The following EPHB1 variants were observed in gnomAD, a reference collection of about 807,000 sequenced individuals.
EPHB1 encodes ephrin type-B receptor 1.
A neutral mutation model predicts 94.4 loss-of-function variants in EPHB1; 30 were observed. The observed-to-expected ratio is 0.32, with a 90% CI of 0.24 to 0.43. The LOEUF is 0.43. Among genes scored for constraint, EPHB1 ranks in the 20% least tolerant of loss-of-function variants. The probability of loss-of-function intolerance (pLI) is 1.00; values close to 1 mark genes in which losing one functional copy is unlikely to be tolerated. For synonymous variants in EPHB1, 522 were observed against 489.1 expected, an observed-to-expected ratio of 1.07 and a Z score of -0.89; for missense variants, 1,055 against 1,308.3, an observed-to-expected ratio of 0.81 and a Z score of 2.99.
At chr3:135,221,485 A>G (rs949859050) in intron 12 of EPHB1, among the ~76,000 whole-genome samples, 6 of 152,098 alleles carry the variant, frequency 3.9e-5, no homozygotes, top group African/African-American at 1.4e-4. Context: ...TCCTTGTTCT[A>G]TTTTTCAATG....
At chr3:134,850,942 T>C (rs2036969754) in intron 1 of EPHB1, among the ~76,000 whole-genome samples, 1 of 152,232 alleles carries the variant, frequency 6.6e-6, no homozygotes, top group African/African-American at 2.4e-5. Flanking sequence ...CAGATGCAGC[T>C]GGAAGGGAAA....
chr3:134,818,466 C>T (rs1291897809), intron 1 of EPHB1, among the ~76,000 whole-genome samples: 1 of 152,162 alleles, frequency 6.6e-6, no homozygotes, highest in South Asian at 2.1e-4. Context: ...GATTTTGGTG[C>T]ACCCATCACC....
chr3:135,186,854 G>A (rs1942343320), intron 10 of EPHB1, among the ~76,000 whole-genome samples: 1 of 152,198 alleles, frequency 6.6e-6, no homozygotes, highest in Non-Finnish European at 1.5e-5. Flanking sequence ...GGGATGAAAT[G>A]CATAGGAATT....
intron 12 of EPHB1, among the ~76,000 whole-genome samples, chr3:135,222,112 T>C (rs1012034544): frequency 7.3e-5 from 11 of 151,118 alleles, no homozygotes; most frequent in Admixed American, 7.2e-4. Flanking sequence ...GCTCCTAACA[T>C]ATTATTGTAG....
chr3:134,836,230 C>T (rs901427936), intron 1 of EPHB1, among the ~76,000 whole-genome samples: 1 of 152,196 alleles, frequency 6.6e-6, no homozygotes, highest in African/African-American at 2.4e-5. Flanking sequence ...ACTGATTTGA[C>T]AGCAACAGTC....
intron 1 of EPHB1, among the ~76,000 whole-genome samples, chr3:134,908,918 G>A (rs2038393094): frequency 6.6e-6 from 1 of 152,026 alleles, no homozygotes; most frequent in Middle Eastern, 3.2e-3. Flanking sequence ...AACAGATAGA[G>A]AGATGAAGTG....
At chr3:135,123,234 T>C (rs1009996115) in intron 4 of EPHB1, among the ~76,000 whole-genome samples, 1 of 152,240 alleles carries the variant, frequency 6.6e-6, no homozygotes, top group African/African-American at 2.4e-5. Context: ...TTTCTCATGA[T>C]TAAACTGTAG....
At chr3:135,024,941 A>G (rs542209137) in intron 3 of EPHB1, among the ~76,000 whole-genome samples, 17 of 152,030 alleles carry the variant, frequency 1.1e-4, no homozygotes, top group African/African-American at 3.9e-4. Flanking sequence ...ATCTATTACT[A>G]TATGTATTAT....
chr3:135,106,420 AT>A, intron 3 of EPHB1, 27 bp from the exon 4 acceptor site: 1 of 1,611,328 alleles, frequency 6.2e-7, no homozygotes, highest in South Asian at 1.1e-5. Context: ...ACTTCCATTA[AT>A]TATCACATGG....
chr3:134,991,280 C>T (rs894744946), intron 3 of EPHB1, among the ~76,000 whole-genome samples: 3 of 152,164 alleles, frequency 2.0e-5, no homozygotes, highest in African/African-American at 7.2e-5. Context: ...ATCTCCCTTT[C>T]TGTAACTGTG....
intron 3 of EPHB1, among the ~76,000 whole-genome samples, chr3:134,952,631 GC>G (rs778744591): frequency 1.7e-4 from 26 of 152,206 alleles, no homozygotes; most frequent in Non-Finnish European, 3.5e-4. Context: ...TCATTGCCAG[GC>G]CCTGGAAGGA....
intron 1 of EPHB1, among the ~76,000 whole-genome samples, chr3:134,888,706 C>CAAA (rs55786916): frequency 3.6e-5 from 4 of 109,686 alleles, no homozygotes; most frequent in Non-Finnish European, 5.5e-5. Context: ...GACTCCATCT[C>CAAA]AAAAAAAAAA....
At chr3:134,806,561 A>G (rs2036045758) in intron 1 of EPHB1, among the ~76,000 whole-genome samples, 10 of 152,218 alleles carry the variant, frequency 6.6e-5, no homozygotes. Context: ...AGCAAAATCA[A>G]TGTAGTAATT....
intron 13 of EPHB1, among the ~76,000 whole-genome samples, chr3:135,246,078 T>C (rs1943916649): frequency 6.6e-6 from 1 of 152,136 alleles, no homozygotes; most frequent in Non-Finnish European, 1.5e-5. Flanking sequence ...TGAGGAAAAT[T>C]AGTATCTGGG....
chr3:134,989,955 C>T (rs376906940), intron 3 of EPHB1, among the ~76,000 whole-genome samples: 17 of 152,238 alleles, frequency 1.1e-4, no homozygotes, highest in African/African-American at 3.6e-4. Flanking sequence ...CACCTTTCCC[C>T]ACCTCCCAAT....
intron 3 of EPHB1, among the ~76,000 whole-genome samples, chr3:134,986,171 G>A (rs1387430257): frequency 6.6e-6 from 1 of 152,146 alleles, no homozygotes; most frequent in Non-Finnish European, 1.5e-5. Context: ...CACAAGCACC[G>A]GGAGTGACTC....
intron 14 of EPHB1, among the ~76,000 whole-genome samples, 188 bp from the exon 15 acceptor site, chr3:135,249,148 G>A (rs1433498412): frequency 6.6e-6 from 1 of 152,170 alleles, no homozygotes; most frequent in African/African-American, 2.4e-5. Flanking sequence ...AGAGACACTG[G>A]CCACCTGGAT....
At chr3:135,180,188 A>G (rs1010775605) in intron 10 of EPHB1, among the ~76,000 whole-genome samples, 5 of 152,218 alleles carry the variant, frequency 3.3e-5, no homozygotes, top group South Asian at 2.1e-4. Context: ...GACCTTGACC[A>G]TGGTGGCCAA....
intron 1 of EPHB1, among the ~76,000 whole-genome samples, chr3:134,892,358 C>G (rs373328545): frequency 6.6e-6 from 1 of 152,234 alleles, no homozygotes; most frequent in East Asian, 1.9e-4. Context: ...TTTGGCCCGG[C>G]AAAAGGGCCT....
Sources: allele counts gnomAD v4.1 joint callset (sites outside exome capture counted in the v4.1 genomes callset), GRCh38; gene constraint gnomAD v4.1.1; transcripts MANE v1.5; gene names NCBI Gene and HGNC (gene_info 2026-07-23, HGNC 2026-07-21).